Variants in RFX7 observed in about 807,000 individuals in gnomAD.
The protein encoded by RFX7 is regulatory factor X7, also known as DNA-binding protein RFX7.
In RFX7, 26 loss-of-function variants were observed where a neutral mutation model predicts 111.8. The observed-to-expected ratio is 0.23, with a 90% CI of 0.17 to 0.32. The LOEUF (loss-of-function observed/expected upper bound fraction) is 0.32, where lower values mean the gene tolerates loss of function less well. Among genes scored for constraint, RFX7 ranks in the 10% least tolerant of loss-of-function variants. The pLI is 1.00. For missense variants in RFX7, 1,573 were observed against 1,772.9 expected (o/e 0.89, Z 2.02); for synonymous variants, 624 against 624.4 (o/e 1.00, Z 0.01).
intron 2 of RFX7, among the ~76,000 whole-genome samples, chr15:56,184,344 T>C (rs535264907): frequency 1.3e-5 from 2 of 152,118 alleles, no homozygotes; most frequent in African/African-American, 4.8e-5. Flanking sequence ...CGGACAGTTC[T>C]AATAGTATGT....
chr15:56,241,653 CTTCTT>C (rs2043690803), intron 2 of RFX7, among the ~76,000 whole-genome samples: 1 of 152,096 alleles, frequency 6.6e-6, no homozygotes, highest in Non-Finnish European at 1.5e-5. Flanking sequence ...TTCACCATCT[CTTCTT>C]TTAAATTATA....
chr15:56,240,978 G>C (rs2043682743), intron 2 of RFX7, among the ~76,000 whole-genome samples: 1 of 151,894 alleles, frequency 6.6e-6, no homozygotes, highest in Non-Finnish European at 1.5e-5. Flanking sequence ...GGAGCAGGGG[G>C]TATGACACTA....
chr15:56,169,737 C>G (rs768733362), intron 3 of RFX7, among the ~76,000 whole-genome samples: 14 of 83,940 alleles, frequency 1.7e-4, no homozygotes, highest in Non-Finnish European at 2.5e-4. Flanking sequence ...TTTCTAGTCT[C>G]TTTGTCCCAC....
At chr15:56,115,875 G>A (rs1332192612) in intron 5 of RFX7, among the ~76,000 whole-genome samples, 1 of 151,578 alleles carries the variant, frequency 6.6e-6, no homozygotes, top group Non-Finnish European at 1.5e-5. Flanking sequence ...CTGGGAGGCA[G>A]AGCTTGCAGT....
chr15:56,210,037 T>C (rs2043295892), intron 2 of RFX7, among the ~76,000 whole-genome samples: 1 of 152,038 alleles, frequency 6.6e-6, no homozygotes, highest in African/African-American at 2.4e-5. Context: ...GACACCACTG[T>C]CAGAGTGGAT....
At chr15:56,100,421 C>T (rs768573021) in intron 8 of RFX7, among the ~76,000 whole-genome samples, 1 of 152,138 alleles carries the variant, frequency 6.6e-6, no homozygotes. Context: ...AGAGGTTACA[C>T]ACACATACAT....
At chr15:56,149,475 T>G (rs1343728104) in intron 3 of RFX7, among the ~76,000 whole-genome samples, 2 of 152,038 alleles carry the variant, frequency 1.3e-5, no homozygotes, top group Non-Finnish European at 2.9e-5. Context: ...AGAAGGCGGG[T>G]GATTTCTGCA....
intron 5 of RFX7, among the ~76,000 whole-genome samples, chr15:56,141,655 A>AT (rs1173393668): frequency 1.4e-4 from 16 of 113,016 alleles, no homozygotes; most frequent in African/African-American, 2.9e-4. Context: ...TGCTTACTCT[A>AT]AATATATATA....
chr15:56,171,342 A>G (rs1366801665), intron 3 of RFX7, among the ~76,000 whole-genome samples: 2 of 152,152 alleles, frequency 1.3e-5, no homozygotes, highest in Non-Finnish European at 1.5e-5. Context: ...GACCAAATCA[A>G]GGACCTTAAG....
chr15:56,109,486 A>G (rs1463960866), intron 5 of RFX7, among the ~76,000 whole-genome samples: 3 of 151,974 alleles, frequency 2.0e-5, no homozygotes, highest in Admixed American at 2.0e-4. Flanking sequence ...GGAGGTGAGG[A>G]GCGTCTCTGC....
chr15:56,192,749 T>C, intron 2 of RFX7: 1 of 222,732 alleles, frequency 4.5e-6, no homozygotes, highest in Non-Finnish European at 9.8e-6. Context: ...TAAAGACCTC[T>C]ACAAATTTCA....
chr15:56,202,591 G>C (rs2043204068), intron 2 of RFX7, among the ~76,000 whole-genome samples: 1 of 152,086 alleles, frequency 6.6e-6, no homozygotes, highest in South Asian at 2.1e-4. Context: ...ATTGCTTGAA[G>C]CCAGGAGTTT....
chr15:56,091,979 C>G lies in RFX7; in HGVS notation c.*1366G>C, dbSNP rs1015850860. ...TTTATGTTAGCTTTAAAAACAATGG[C>G]AATTTAAAAATCTCTTTGAAAGTGA... On this transcript the variant is annotated 3_prime_UTR_variant, in exon 10 of 10. Coordinates refer to ENST00000559447, the MANE Select transcript of RFX7 (RefSeq NM_022841.7). The G allele has an allele frequency of 1.3e-5, 2 of 152,068 alleles. No individual in the cohort carries two copies. The allele number at this position is 152,068 out of a possible 1,614,324, so 9.4% of individuals were successfully genotyped here. A position where few individuals can be genotyped will look rare whatever the true frequency, so the allele number is the denominator to read the frequency against.
intron 5 of RFX7, among the ~76,000 whole-genome samples, chr15:56,123,006 A>C (rs1379674782): frequency 6.6e-6 from 1 of 151,924 alleles, no homozygotes; most frequent in Non-Finnish European, 1.5e-5. Flanking sequence ...TCTAAGAGCC[A>C]AGGCCTGGAA....
At chr15:56,202,231 TA>T (rs2043199732) in intron 2 of RFX7, among the ~76,000 whole-genome samples, 1 of 152,146 alleles carries the variant, frequency 6.6e-6, no homozygotes, top group African/African-American at 2.4e-5. Flanking sequence ...ATAGAAATCT[TA>T]AATTACCTAG....
Position 56,094,735 on chromosome 15 carries a change from C to T in RFX7, c.2993G>A (p.Arg998Gln), listed in dbSNP as rs373620035. The part of the protein sequence containing the change: ...TPVDSALGSS[R>Q]HTPIGTPHSN... ...ATGTGGAGTACCAATGGGTGTATGT[C>T]GGCTACTTCCTAAAGCACTATCCAC... Residue 998 changes from arginine to glutamine, a missense_variant, in exon 10 of 10, where the codon CGA becomes CAA. This residue lies in a region of RFX7 where 625 missense variants were observed against 632.2 expected (regional missense o/e 0.99). Transcript: ENST00000559447. 6.2e-6 allele frequency: 10 copies of T among 1,613,624 alleles called. No individual in the cohort carries two copies. Among genetic ancestry groups the T allele is most frequent in the South Asian group, 5.5e-5 (5 of 91,036 alleles).
chr15:56,144,335 C>A, intron 4 of RFX7, 66 bp downstream of exon 4: 3 of 786,594 alleles, frequency 3.8e-6, no homozygotes, highest in South Asian at 1.8e-5. Context: ...AACATACAGA[C>A]CTCACATATA....
At chr15:56,216,460 T>C (rs545554325) in intron 2 of RFX7, among the ~76,000 whole-genome samples, 9 of 152,342 alleles carry the variant, frequency 5.9e-5, no homozygotes, top group Admixed American at 2.0e-4. Context: ...GCTGCATCCA[T>C]AGTTATGACT....
intron 4 of RFX7, among the ~76,000 whole-genome samples, chr15:56,143,546 T>C (rs940914592): frequency 2.1e-4 from 32 of 152,214 alleles, no homozygotes; most frequent in African/African-American, 7.7e-4. Flanking sequence ...ACTTTTACTA[T>C]ATGGAAGTAT....
Sources: allele counts gnomAD v4.1 joint callset (sites outside exome capture counted in the v4.1 genomes callset), GRCh38; gene constraint gnomAD v4.1.1; regional missense constraint gnomAD v4.1.1; transcripts MANE v1.5; gene names NCBI Gene and HGNC (gene_info 2026-07-23, HGNC 2026-07-21).